Variants in LRRIQ1 observed in about 807,000 individuals in gnomAD.
LRRIQ1 encodes leucine-rich repeat- and IQ domain-containing protein 1.
Under a neutral mutation model 211.9 loss-of-function variants are expected in LRRIQ1, and 210 were observed. That is an observed-to-expected ratio of 0.99 (90% CI 0.89 to 1.11). The LOEUF (loss-of-function observed/expected upper bound fraction) is 1.11, where lower values mean the gene tolerates loss of function less well. Among genes scored for constraint, LRRIQ1 ranks in the 50% most tolerant of loss-of-function variants. The pLI, the probability that LRRIQ1 is intolerant of heterozygous loss-of-function variation, is 0.00. For synonymous variants in LRRIQ1, 699 were observed against 650.1 expected (o/e 1.08, Z -1.14); for missense variants, 2,136 against 1,939.5 (o/e 1.10, Z -1.90).
chr12:85,217,726 A>ATGTGTATATATATGTATATATGTAACTG (rs1555226129), intron 24 of LRRIQ1, among the ~76,000 whole-genome samples: 1 of 144,096 alleles, frequency 6.9e-6, no homozygotes, highest in Admixed American at 6.9e-5. Flanking sequence ...ATATGTATAT[A>ATGTGTATATATATGTATATATGTAACTG]TGTGTATATA....
intron 24 of LRRIQ1, among the ~76,000 whole-genome samples, chr12:85,172,482 T>C (rs1891466109): frequency 6.6e-6 from 1 of 152,212 alleles, no homozygotes; most frequent in Admixed American, 6.5e-5. Flanking sequence ...GTCCTGTTTT[T>C]CTCAATTGCA....
At chr12:85,268,808 C>T (rs1896476523), downstream of LRRIQ1, among the ~76,000 whole-genome samples, 1 of 151,804 alleles carries the variant, frequency 6.6e-6, no homozygotes, top group Non-Finnish European at 1.5e-5. Flanking sequence ...ATTATATTTT[C>T]TATTGAGAAT....
At chr12:85,170,161 C>A (rs541833726) in intron 24 of LRRIQ1, among the ~76,000 whole-genome samples, 1 of 151,628 alleles carries the variant, frequency 6.6e-6, no homozygotes, top group Non-Finnish European at 1.5e-5. Context: ...TTTTTTAATC[C>A]AAATCAGTTA....
At chr12:85,186,621 G>A (rs1487153306) in intron 24 of LRRIQ1, among the ~76,000 whole-genome samples, 1 of 152,004 alleles carries the variant, frequency 6.6e-6, no homozygotes, top group Non-Finnish European at 1.5e-5. Flanking sequence ...GTACTTTAAT[G>A]GTAGCATTTC....
At chr12:85,069,129 C>T (rs892088238) in intron 10 of LRRIQ1, among the ~76,000 whole-genome samples, 21 of 144,248 alleles carry the variant, frequency 1.5e-4, no homozygotes, top group Non-Finnish European at 2.9e-4. Flanking sequence ...TGTGATGTTC[C>T]CCACCCTGTG....
At chr12:85,087,235 T>G (rs1195339789) in intron 11 of LRRIQ1, among the ~76,000 whole-genome samples, 1 of 152,116 alleles carries the variant, frequency 6.6e-6, no homozygotes, top group African/African-American at 2.4e-5. Context: ...GAATGATGGT[T>G]TCCAGCTTCA....
intron 24 of LRRIQ1, among the ~76,000 whole-genome samples, chr12:85,192,691 A>AAT (rs369318750): frequency 0.36 from 18,209 of 50,070 alleles, 4,168 homozygotes; most frequent in African/African-American, 0.53. Flanking sequence ...ATTATATATA[A>AAT]ATATATAGTT....
chr12:85,263,155 C>T (rs907400015), exon 2 of LRRIQ1: 1 of 720,962 alleles, frequency 1.4e-6, no homozygotes, highest in African/African-American at 1.9e-5. Context: ...GTTTTAGACT[C>T]CTATATTTAA....
chr12:85,268,993 A>G (rs1247919969), downstream of LRRIQ1, among the ~76,000 whole-genome samples: 3 of 152,064 alleles, frequency 2.0e-5, no homozygotes, highest in South Asian at 4.1e-4. Flanking sequence ...AGGTGTTTCC[A>G]GATTCTATTT....
chr12:85,039,245 T>C (rs2135861434), intron 2 of LRRIQ1, among the ~76,000 whole-genome samples: 1 of 151,416 alleles, frequency 6.6e-6, no homozygotes, highest in South Asian at 2.1e-4. Flanking sequence ...AGCCCTTCTG[T>C]TTCAATTAAG....
At chr12:85,237,586 A>G (rs939278199) in intron 26 of LRRIQ1, among the ~76,000 whole-genome samples, 4 of 152,098 alleles carry the variant, frequency 2.6e-5, no homozygotes, top group African/African-American at 4.8e-5. Context: ...CTAGAGACCA[A>G]TCAAAACCGG....
intron 8 of LRRIQ1, among the ~76,000 whole-genome samples, chr12:85,061,027 A>C (rs149124081): frequency 2.0e-5 from 3 of 152,004 alleles, no homozygotes; most frequent in African/African-American, 7.2e-5. Context: ...TGAGAGTCTG[A>C]AAGTATAACT....
At chr12:85,134,413 T>TC (rs1269800334) in intron 18 of LRRIQ1, among the ~76,000 whole-genome samples, 3 of 152,132 alleles carry the variant, frequency 2.0e-5, no homozygotes. Flanking sequence ...TATTTTATTT[T>TC]CAGTCTCAGT....
intron 23 of LRRIQ1, among the ~76,000 whole-genome samples, chr12:85,158,970 A>AT (rs1048115370): frequency 3.3e-5 from 5 of 151,536 alleles, no homozygotes; most frequent in Non-Finnish European, 5.9e-5. Context: ...AAATCAAGTG[A>AT]TTTTTTTTCT....
chr12:85,070,290 C>T (rs372521920), intron 10 of LRRIQ1, among the ~76,000 whole-genome samples: 55 of 152,006 alleles, frequency 3.6e-4, no homozygotes, highest in African/African-American at 1.1e-3. Flanking sequence ...ATAGCCTAAA[C>T]GCTCCATTAT....
At chr12:85,226,637 C>T (rs1894668726) in intron 24 of LRRIQ1, among the ~76,000 whole-genome samples, 3 of 147,216 alleles carry the variant, frequency 2.0e-5, no homozygotes, top group Non-Finnish European at 3.0e-5. Context: ...CCCATTAACT[C>T]GTCATTTACA....
Position 85,055,620 on chromosome 12 carries a change from A to C in LRRIQ1, c.827A>C (p.Lys276Thr). ...TRFKDQQEKE[K>T]NSLLKQQNNA... is the part of the protein sequence containing the mutation. Reference sequence around the variant, plus strand: ...TTTAAAGACCAACAAGAAAAAGAAAAAAATTCTTTGTTAAAACAGCAGAAT... The same window carrying C: ...TTTAAAGACCAACAAGAAAAAGAAACAAATTCTTTGTTAAAACAGCAGAAT... Residue 276 changes from lysine (K) to threonine (T), a missense_variant, in exon 8 of 27, where the codon AAA (lysine) becomes ACA (threonine). By Grantham distance (78) the Lys-to-Thr change is moderately conservative. Coordinates refer to ENST00000393217, the MANE Select transcript of LRRIQ1 (RefSeq NM_001079910.2). The C allele has an allele frequency of 6.4e-7, 1 of 1,573,894 alleles. No homozygotes were observed. The highest frequency in any genetic ancestry group is 8.6e-7 in the Non-Finnish European group (1 of 1,168,274).
intron 23 of LRRIQ1, among the ~76,000 whole-genome samples, chr12:85,155,888 A>G (rs1012727529): frequency 6.6e-6 from 1 of 151,580 alleles, no homozygotes; most frequent in African/African-American, 2.4e-5. Flanking sequence ...CAGAGGATTC[A>G]GTAAGGAATA....
At chr12:85,233,683 T>C (rs1895054277) in intron 26 of LRRIQ1, among the ~76,000 whole-genome samples, 1 of 152,160 alleles carries the variant, frequency 6.6e-6, no homozygotes, top group East Asian at 1.9e-4. Flanking sequence ...GCTAGCTAAA[T>C]TGCGTGTGTT....
Sources: allele counts gnomAD v4.1 joint callset (sites outside exome capture counted in the v4.1 genomes callset), GRCh38; gene constraint gnomAD v4.1.1; transcripts MANE v1.5; gene names NCBI Gene and HGNC (gene_info 2026-07-23, HGNC 2026-07-21).